Variants in UGT1A5 observed in about 807,000 individuals in gnomAD.
The protein encoded by UGT1A5 is UDP-glucuronosyltransferase 1A5.
A neutral mutation model predicts 40.3 loss-of-function variants in UGT1A5; 29 were observed. The observed-to-expected ratio is 0.72, with a 90% CI of 0.54 to 0.98. The LOEUF (loss-of-function observed/expected upper bound fraction) is 0.98, where lower values mean the gene tolerates loss of function less well. Ranked by LOEUF, UGT1A5 falls within the 50% of genes least tolerant of loss-of-function variation. UGT1A5 has a pLI of 0.00. For missense variants in UGT1A5, 678 were observed against 677.9 expected (o/e 1.00, Z 0.00); for synonymous variants, 257 against 262.5 (o/e 0.98, Z 0.20).
chr2:233,757,806 A>G (rs1052183239), intron 1 of UGT1A5, among the ~76,000 whole-genome samples: 1 of 151,788 alleles, frequency 6.6e-6, no homozygotes, highest in Non-Finnish European at 1.5e-5. Context: ...AGGAGATGAA[A>G]GGAGCTGGTA....
chr2:233,734,945 G>A (rs141411255), intron 1 of UGT1A5, among the ~76,000 whole-genome samples: 9,860 of 152,158 alleles, frequency 0.065, 535 homozygotes, highest in African/African-American at 0.16. Context: ...CATATGGTCA[G>A]TTTTAGAATA....
chr2:233,729,775 C>A (rs775577941), intron 1 of UGT1A5: 2 of 1,613,944 alleles, frequency 1.2e-6, no homozygotes, highest in South Asian at 2.2e-5. Context: ...CATGCTCTAC[C>A]CTCTGGCCCT....
At chr2:233,725,402 C>T (rs1244153836) in intron 1 of UGT1A5, among the ~76,000 whole-genome samples, 1 of 151,460 alleles carries the variant, frequency 6.6e-6, no homozygotes, top group Non-Finnish European at 1.5e-5. Context: ...CCTTGATGGT[C>T]TAATACAGAA....
chr2:233,745,948 A>T (rs915147322), intron 1 of UGT1A5, among the ~76,000 whole-genome samples: 2 of 151,678 alleles, frequency 1.3e-5, no homozygotes, highest in Admixed American at 1.3e-4. Flanking sequence ...GGGGTTGGGC[A>T]ACTGGGGGAC....
chr2:233,726,550 A>C (rs1388037540), intron 1 of UGT1A5, among the ~76,000 whole-genome samples: 1 of 152,162 alleles, frequency 6.6e-6, no homozygotes, highest in Non-Finnish European at 1.5e-5. Context: ...CAGCGTCTTC[A>C]AGTCTCCCAC....
chr2:233,737,897 T>G (rs1404906155), intron 1 of UGT1A5, among the ~76,000 whole-genome samples: 4 of 152,000 alleles, frequency 2.6e-5, no homozygotes, highest in African/African-American at 9.7e-5. Flanking sequence ...AATTTTCGAG[T>G]GTGGTAAAGA....
intron 1 of UGT1A5, among the ~76,000 whole-genome samples, chr2:233,714,871 A>G (rs920771316): frequency 1.6e-4 from 24 of 148,302 alleles, no homozygotes; most frequent in African/African-American, 4.5e-4. Flanking sequence ...CTAAAATTCT[A>G]TCTTTTAAAT....
chr2:233,738,320 T>C (rs1202605644), intron 1 of UGT1A5, among the ~76,000 whole-genome samples: 5 of 152,210 alleles, frequency 3.3e-5, no homozygotes, highest in Admixed American at 3.3e-4. Context: ...AGTGTGTGAA[T>C]GGACTAATAC....
intron 1 of UGT1A5, among the ~76,000 whole-genome samples, chr2:233,739,476 A>T (rs913646200): frequency 6.6e-6 from 1 of 152,224 alleles, no homozygotes; most frequent in African/African-American, 2.4e-5. Flanking sequence ...AGACCGTGGG[A>T]GCCCATTTCT....
At chr2:233,717,742 G>C (rs956280434) in intron 1 of UGT1A5, 27 of 456,394 alleles carry the variant, frequency 5.9e-5, no homozygotes, top group Non-Finnish European at 1.1e-4. Context: ...GAGTGCTCAG[G>C]GTCTCCCCCT....
intron 1 of UGT1A5, among the ~76,000 whole-genome samples, chr2:233,724,129 T>A (rs2077172457): frequency 8.6e-6 from 1 of 116,454 alleles, no homozygotes. Context: ...GCCCCTCACC[T>A]CCCGGACGGG....
At chr2:233,744,160 C>A (rs555064194) in intron 1 of UGT1A5, 3 of 294,534 alleles carry the variant, frequency 1.0e-5, no homozygotes, top group Non-Finnish European at 2.0e-5. Context: ...CCAGGCCCCG[C>A]CCACTCCGGC....
At chr2:233,757,269 G>C (rs1302149472) in intron 1 of UGT1A5, among the ~76,000 whole-genome samples, 1 of 127,616 alleles carries the variant, frequency 7.8e-6, no homozygotes, top group African/African-American at 2.9e-5. Context: ...GGCAGCCGAT[G>C]CAATGATTCA....
In UGT1A5 at chr2:233,739,470, C is replaced by T. The variant is rs188701117; in HGVS notation, c.867+25612C>T. On this transcript the variant is annotated intron_variant, in intron 1 of 4. Transcript: ENST00000373414. ...CCACAGGGTTGGAGCTGCCTGAGAC[C>T]GTGGGAGCCCATTTCTGGCATCACC... 1.6e-3 allele frequency among the ~76,000 whole-genome samples: 240 copies of T among 152,268 alleles called. 1 individual carries two copies. The highest frequency in any genetic ancestry group is 4.9e-3 in the African/African-American group (205 of 41,548).
chr2:233,772,282 G>A lies in UGT1A5; in HGVS notation c.1328G>A (p.Arg443His), dbSNP rs748166510. The change falls in exon 5 of 5, where the codon CGC becomes CAC. Residue 443 changes from arginine to histidine, a missense_variant. Arg to His is a conservative substitution (Grantham distance 29). Transcript: ENST00000373414. ...TTTAGTTACAAGGAGAACATCATGC[G>A]CCTCTCCAGCCTTCACAAGGACCGC... ...NDKSYKENIM[R>H]LSSLHKDRPV... 13 of 1,614,078 alleles carry A rather than the reference G, an allele frequency of 8.1e-6. No homozygotes were observed. Among genetic ancestry groups the A allele is most frequent in the Middle Eastern group, 1.6e-4 (1 of 6,084 alleles).
chr2:233,748,577 A>T (rs1363502467), intron 1 of UGT1A5, among the ~76,000 whole-genome samples: 1 of 151,860 alleles, frequency 6.6e-6, no homozygotes, highest in Non-Finnish European at 1.5e-5. Context: ...AGTGTTAAAG[A>T]GGTTGACTCA....
intron 1 of UGT1A5, chr2:233,760,552 A>C: frequency 6.2e-7 from 1 of 1,614,264 alleles, no homozygotes; most frequent in Non-Finnish European, 8.5e-7. Context: ...GGAGGATGTG[A>C]AAGAGTCTTT....
intron 1 of UGT1A5, among the ~76,000 whole-genome samples, chr2:233,735,497 T>A (rs1029127614): frequency 3.9e-5 from 6 of 152,204 alleles, no homozygotes; most frequent in African/African-American, 1.4e-4. Flanking sequence ...ATTGCAGCAT[T>A]TAGCCCATTT....
chr2:233,760,221 A>C, intron 1 of UGT1A5: 4 of 1,592,732 alleles, frequency 2.5e-6, no homozygotes, highest in Non-Finnish European at 3.4e-6. Flanking sequence ...TGGTGTATCG[A>C]TTGGTTTTTG....
Sources: allele counts gnomAD v4.1 joint callset (sites outside exome capture counted in the v4.1 genomes callset), GRCh38; gene constraint gnomAD v4.1.1; transcripts MANE v1.5; gene names NCBI Gene and HGNC (gene_info 2026-07-23, HGNC 2026-07-21).